Variants in FAM135B observed in about 807,000 individuals in gnomAD.
FAM135B encodes family with sequence similarity 135 member B.
Under a neutral mutation model 127.7 loss-of-function variants are expected in FAM135B, and 43 were observed. The ratio of observed to expected loss-of-function variants is 0.34; its 90% CI spans 0.26 to 0.43. The LOEUF (loss-of-function observed/expected upper bound fraction) is 0.43, where lower values mean the gene tolerates loss of function less well. FAM135B is among the 20% of genes least tolerant of loss of function. The probability of loss-of-function intolerance (pLI) is 1.00; values close to 1 mark genes in which losing one functional copy is unlikely to be tolerated. For missense variants in FAM135B, 1,558 were observed against 1,725.6 expected, an observed-to-expected ratio of 0.90 and a Z score of 1.72; for synonymous variants, 670 against 665.1, an observed-to-expected ratio of 1.01 and a Z score of -0.11.
intron 1 of FAM135B, among the ~76,000 whole-genome samples, chr8:138,454,528 T>C (rs1836668672): frequency 6.6e-6 from 1 of 152,194 alleles, no homozygotes; most frequent in Admixed American, 6.5e-5. Context: ...AGGCCAAACA[T>C]GTTCTAATAT....
chr8:138,374,504 A>C (rs998508395), intron 1 of FAM135B, among the ~76,000 whole-genome samples: 1 of 152,210 alleles, frequency 6.6e-6, no homozygotes, highest in Non-Finnish European at 1.5e-5. Flanking sequence ...ATGAATTTCT[A>C]AGCACTCCAT....
chr8:138,316,617 ACT>A (rs1162155931), intron 2 of FAM135B, among the ~76,000 whole-genome samples: 4 of 152,188 alleles, frequency 2.6e-5, no homozygotes, highest in Non-Finnish European at 1.5e-5. Context: ...AAAGTGGATC[ACT>A]CACACATTGC....
chr8:138,437,657 C>G (rs1456600145), intron 1 of FAM135B: 1 of 152,202 alleles, frequency 6.6e-6, no homozygotes, highest in Non-Finnish European at 1.5e-5. Context: ...CATTTCCTAG[C>G]TGCAGGACCC....
intron 7 of FAM135B, among the ~76,000 whole-genome samples, chr8:138,202,925 G>A (rs995557439): frequency 1.1e-4 from 17 of 152,270 alleles, no homozygotes; most frequent in African/African-American, 4.1e-4. Context: ...AAATAGGCCT[G>A]TACCTCACTC....
Position 138,132,843 on chromosome 8 carries a change from CA to C in FAM135B, c.4016-46del. 6.4e-7 allele frequency: 1 copy of C among 1,566,956 alleles called. No homozygotes were observed. Among genetic ancestry groups the C allele is most frequent in the African/African-American group, 1.4e-5 (1 of 74,070 alleles). On this transcript the variant is annotated intron_variant, in intron 19 of 19. Transcript: ENST00000395297. This position sits in a 1 kb window ranked among gnomAD's most constrained non-coding sequence, Gnocchi z 4.5. ...GACATGAAGCTGGTGCAGAAATTAG[CA>C]GTGGAATCTAGAGAACATCACTAGA...
At chr8:138,497,533 A>C (rs1036309696), upstream of FAM135B, among the ~76,000 whole-genome samples, 34 of 152,156 alleles carry the variant, frequency 2.2e-4, no homozygotes, top group African/African-American at 4.6e-4. Context: ...GGCGCGGCGG[A>C]GAACTGGCTG....
intron 9 of FAM135B, among the ~76,000 whole-genome samples, chr8:138,193,425 C>T (rs553516839): frequency 6.6e-6 from 1 of 152,270 alleles, no homozygotes; most frequent in East Asian, 1.9e-4. Flanking sequence ...GGAGAACCTG[C>T]AGGCCACACC....
At chr8:138,444,901 T>G (rs1455045167) in intron 1 of FAM135B, among the ~76,000 whole-genome samples, 3 of 151,828 alleles carry the variant, frequency 2.0e-5, no homozygotes, top group South Asian at 2.1e-4. Flanking sequence ...TTGATAGACC[T>G]CTAGCAAGAC....
chr8:138,232,696 G>A (rs765558860), intron 7 of FAM135B, among the ~76,000 whole-genome samples: 12 of 152,104 alleles, frequency 7.9e-5, no homozygotes, highest in Non-Finnish European at 1.6e-4. Context: ...AAGTTATGAA[G>A]TACAGTTTTT....
In FAM135B at chr8:138,425,964, CATATATATATATATATATATATAT is replaced by C. The variant is rs11271386; in HGVS notation, c.-19-57986_-19-57963del. Among the ~76,000 whole-genome samples, 18 of 110,006 alleles carry C rather than the reference CATATATATATATATATATATATAT, an allele frequency of 1.6e-4. 1 individual carries two copies. In the South Asian group the frequency reaches 2.4e-3, roughly 15 times the overall value. 72.2% of individuals were successfully genotyped at this position (110,006 alleles called of 152,430 possible). ...AGGAGTTCGAGACCAGCCAGGCCAACATATATATATATATATATATATATATATATATATATATATATATATATA... is the reference window on the plus strand; with the variant it reads ...AGGAGTTCGAGACCAGCCAGGCCAACATATATATATATATATATATATATA... On this transcript the variant is annotated intron_variant, in intron 1 of 19. Transcript: ENST00000395297.
intron 7 of FAM135B, among the ~76,000 whole-genome samples, chr8:138,222,420 G>A (rs138980731): frequency 6.6e-6 from 1 of 152,158 alleles, no homozygotes; most frequent in African/African-American, 2.4e-5. Flanking sequence ...CCAAAGCCCT[G>A]TCTGTCCATA....
chr8:138,421,435 A>C (rs1834504681), intron 1 of FAM135B, among the ~76,000 whole-genome samples: 1 of 152,252 alleles, frequency 6.6e-6, no homozygotes, highest in African/African-American at 2.4e-5. Context: ...TGACAATTTC[A>C]GTATGGTTTC....
At chr8:138,418,215 C>T (rs1007157452) in intron 1 of FAM135B, among the ~76,000 whole-genome samples, 5 of 152,118 alleles carry the variant, frequency 3.3e-5, no homozygotes. Flanking sequence ...AGCTTGAATA[C>T]TGGTTCTTCA....
intron 1 of FAM135B, among the ~76,000 whole-genome samples, chr8:138,494,278 G>GAAGT (rs1815303916): frequency 6.6e-6 from 1 of 152,220 alleles, no homozygotes; most frequent in African/African-American, 2.4e-5. Flanking sequence ...GGTCATGTTA[G>GAAGT]AAGTAAGGCT....
At chr8:138,384,463 G>A (rs773593896) in intron 1 of FAM135B, among the ~76,000 whole-genome samples, 17 of 152,146 alleles carry the variant, frequency 1.1e-4, no homozygotes, top group Non-Finnish European at 2.2e-4. Flanking sequence ...TTTGTGCAGA[G>A]AGGAAGAGGT....
rs954629286 is a variant in FAM135B at position 138,152,709 on chromosome 8, C to A, written c.1766G>T (p.Arg589Met). Residue 589 changes from arginine (R) to methionine (M), a missense_variant, in exon 13 of 20, where the codon AGG (arginine) becomes ATG (methionine). By Grantham distance (91) the Arg-to-Met change is moderately conservative. Around this residue, in one of 5 missense-constraint regions of FAM135B, gnomAD observed 923 missense variants for 865.3 expected, o/e 1.07. Transcript: ENST00000395297. ...RSSRDKYGLD[R>M]TGLSKVVVGG... Reference sequence around the variant, plus strand: ...TACTACCACTTTGCTTAGCCCAGTCCTGTCTAATCCATACTTATCTCTAGA... The same window carrying A: ...TACTACCACTTTGCTTAGCCCAGTCATGTCTAATCCATACTTATCTCTAGA... The A allele has an allele frequency of 1.2e-6, 2 of 1,614,170 alleles. No individual in the cohort carries two copies. The highest frequency in any genetic ancestry group is 1.7e-5 in the Admixed American group (1 of 60,032).
At chr8:138,435,831 G>A (rs1387205858) in intron 1 of FAM135B, among the ~76,000 whole-genome samples, 4 of 152,138 alleles carry the variant, frequency 2.6e-5, no homozygotes, top group South Asian at 2.1e-4. Flanking sequence ...GGTGACTTAA[G>A]CAAAGGAGGG....
chr8:138,278,573 T>C (rs1164573482), intron 3 of FAM135B, among the ~76,000 whole-genome samples: 1 of 133,666 alleles, frequency 7.5e-6, no homozygotes, highest in East Asian at 2.3e-4. Flanking sequence ...TTTTTTTTTT[T>C]TTTTTTTTGA....
At chr8:138,225,473 A>C (rs200078889) in intron 7 of FAM135B, among the ~76,000 whole-genome samples, 1 of 147,584 alleles carries the variant, frequency 6.8e-6, no homozygotes, top group Admixed American at 6.8e-5. Context: ...AAACAAAAAA[A>C]CAAAAAAAAC....
Sources: gnomAD v4.1 joint callset for allele counts (sites outside exome capture counted in the v4.1 genomes callset) on GRCh38, gnomAD v4.1.1 for gene constraint, gnomAD v4.1.1 regional missense constraint, Gnocchi (gnomAD v3.1) non-coding constraint, MANE v1.5 for transcripts, NCBI Gene and HGNC (gene_info 2026-07-23, HGNC 2026-07-21) for gene names.